CX3CR1: variants seen among roughly 807,000 people sequenced by gnomAD.
CX3CR1 encodes C-X3-C motif chemokine receptor 1, also known as CX3C chemokine receptor 1.
For missense variants in CX3CR1, 363 were observed against 432.4 expected (o/e 0.84, Z 1.42); for synonymous variants, 168 against 178.5 (o/e 0.94, Z 0.47).
intron 1 of CX3CR1, among the ~76,000 whole-genome samples, chr3:39,267,219 T>C (rs937406773): frequency 6.0e-5 from 9 of 150,518 alleles, no homozygotes; most frequent in Admixed American, 3.3e-4. Context: ...GGGGGTGAGA[T>C]GGGGTGAATT....
upstream of CX3CR1, chr3:39,280,166 A>G (rs756207959): frequency 1.9e-5 from 19 of 981,562 alleles, no homozygotes; most frequent in Non-Finnish European, 2.3e-5. Flanking sequence ...CCAGCTGCCA[A>G]CAGGAGGGCC....
chr3:39,281,365 G>T, upstream of CX3CR1: 2 of 837,590 alleles, frequency 2.4e-6, no homozygotes, highest in Non-Finnish European at 3.3e-6. Context: ...CACTCAGCTG[G>T]GCTGGCTGCC....
At chr3:39,284,726 T>C (rs1025423749), upstream of CX3CR1, among the ~76,000 whole-genome samples, 2 of 152,114 alleles carry the variant, frequency 1.3e-5, no homozygotes, top group Admixed American at 6.5e-5. Context: ...CATTTTCAGA[T>C]GATGAAATGG....
upstream of CX3CR1, chr3:39,281,642 G>A (rs2040900521): frequency 1.9e-6 from 3 of 1,599,182 alleles, no homozygotes; most frequent in South Asian, 3.3e-5. Context: ...AAGCCAGAGA[G>A]CTCTTCCTGA....
rs2040681513 is a variant in CX3CR1 at position 39,265,433 on chromosome 3, G to C, written c.*9C>G. 1 of 1,592,522 alleles carries C rather than the reference G, an allele frequency of 6.3e-7. No homozygotes were observed. The highest frequency in any genetic ancestry group is 8.6e-7 in the Non-Finnish European group (1 of 1,167,018). On this transcript the variant is annotated 3_prime_UTR_variant, in exon 2 of 2. Coordinates refer to ENST00000399220, the MANE Select transcript of CX3CR1 (RefSeq NM_001337.4). ...GGTTCTCTGTAGACACAAGGCTTTG[G>C]GATTCCCTTCAGAGAAGGAGCAATG...
At chr3:39,274,481 CAAAAAA>C (rs10663570) in intron 1 of CX3CR1, among the ~76,000 whole-genome samples, 1 of 88,296 alleles carries the variant, frequency 1.1e-5, no homozygotes, top group African/African-American at 4.5e-5. Context: ...CAACCACCAC[CAAAAAA>C]AAAAAAAAAA....
chr3:39,271,288 G>A (rs1448521608), intron 1 of CX3CR1, among the ~76,000 whole-genome samples: 1 of 152,128 alleles, frequency 6.6e-6, no homozygotes, highest in Non-Finnish European at 1.5e-5. Flanking sequence ...TGATCCCAGG[G>A]GTGCTCATGA....
the CX3CR1 span, among the ~76,000 whole-genome samples, chr3:39,290,372 G>A: frequency 2.9e-4 from 44 of 152,348 alleles, no homozygotes; most frequent in African/African-American, 9.9e-4. Context: ...TGGTTGTGGA[G>A]TGGTCTTCTT....
chr3:39,280,930 G>T (rs2040889978), upstream of CX3CR1: 1 of 208,476 alleles, frequency 4.8e-6, no homozygotes, highest in Non-Finnish European at 8.4e-6. Context: ...TCCCTAACTA[G>T]GGCCTGGCCC....
upstream of CX3CR1, among the ~76,000 whole-genome samples, chr3:39,285,685 T>A (rs576953118): frequency 2.6e-5 from 4 of 152,326 alleles, no homozygotes; most frequent in Admixed American, 2.6e-4. Flanking sequence ...TTTTAAAAAT[T>A]AAAAATTAAA....
At chr3:39,288,759 G>A in the CX3CR1 span, among the ~76,000 whole-genome samples, 1 of 152,162 alleles carries the variant, frequency 6.6e-6, no homozygotes, top group African/African-American at 2.4e-5. Context: ...TGAGCCAGCC[G>A]GCCCACAATT....
upstream of CX3CR1, among the ~76,000 whole-genome samples, chr3:39,282,994 C>A (rs962158669): frequency 6.6e-6 from 1 of 152,124 alleles, no homozygotes; most frequent in Non-Finnish European, 1.5e-5. Context: ...TGGGCTCGAA[C>A]GATCCTCTCA....
upstream of CX3CR1, chr3:39,280,176 C>T (rs2040879556): frequency 1.0e-6 from 1 of 984,310 alleles, no homozygotes. Flanking sequence ...ACAGGAGGGC[C>T]TGACTTTATA....
chr3:39,278,640 AT>A lies in CX3CR1; in HGVS notation c.-10+1313del, dbSNP rs753640806. Among the ~76,000 whole-genome samples, 1,311 of 139,448 alleles carry A rather than the reference AT, an allele frequency of 9.4e-3. 14 individuals are homozygous for A. Among genetic ancestry groups the A allele is most frequent in the African/African-American group, 0.031 (1,180 of 37,672 alleles). 91.5% of individuals were successfully genotyped at this position (139,448 alleles called of 152,430 possible). A position where few individuals can be genotyped will look rare whatever the true frequency, so the allele number is the denominator to read the frequency against. ...TCTACCTCAAGTATTTCAAAAATTA[AT>A]TTTTTTTTCTTTTCTTTTTTTTTTT... On this transcript the variant is annotated intron_variant, in intron 1 of 1. Transcript: ENST00000399220.
At chr3:39,290,220 G>A in the CX3CR1 span, among the ~76,000 whole-genome samples, 3 of 152,188 alleles carry the variant, frequency 2.0e-5, no homozygotes, top group African/African-American at 7.2e-5. Flanking sequence ...TTCTAGATCA[G>A]GCACTGTCAA....
At chr3:39,283,520 G>A (rs1395598615), upstream of CX3CR1, among the ~76,000 whole-genome samples, 4 of 151,862 alleles carry the variant, frequency 2.6e-5, no homozygotes, top group Non-Finnish European at 5.9e-5. Context: ...GGTGGCTCAC[G>A]CCTGTAATTC....
At chr3:39,285,459 C>T (rs1227384011), upstream of CX3CR1, among the ~76,000 whole-genome samples, 1 of 152,162 alleles carries the variant, frequency 6.6e-6, no homozygotes, top group Non-Finnish European at 1.5e-5. Context: ...CTCCTTCTGT[C>T]CCAATGTTTA....
chr3:39,270,082 T>C (rs912455224), intron 1 of CX3CR1, among the ~76,000 whole-genome samples: 9 of 152,212 alleles, frequency 5.9e-5, no homozygotes, highest in Admixed American at 5.9e-4. Context: ...GCCTGTGCTG[T>C]TCCCACTCTC....
chr3:39,279,653 C>T (rs1265653302), intron 1 of CX3CR1, among the ~76,000 whole-genome samples: 1 of 152,212 alleles, frequency 6.6e-6, no homozygotes, highest in Non-Finnish European at 1.5e-5. Flanking sequence ...AATTCCTCAA[C>T]AGCATCCAGA....
Sources: gnomAD v4.1 joint callset for allele counts (sites outside exome capture counted in the v4.1 genomes callset) on GRCh38, gnomAD v4.1.1 for gene constraint, MANE v1.5 for transcripts, NCBI Gene and HGNC (gene_info 2026-07-23, HGNC 2026-07-21) for gene names.